Variants in VWA8 observed in about 807,000 individuals in gnomAD.
The protein encoded by VWA8 is von Willebrand factor A domain containing 8, also known as von Willebrand factor A domain-containing protein 8.
A neutral mutation model predicts 241.5 loss-of-function variants in VWA8; 221 were observed. The observed-to-expected ratio is 0.91, with a 90% CI of 0.82 to 1.02. The LOEUF (loss-of-function observed/expected upper bound fraction) is 1.02. VWA8 is among the 50% of genes least tolerant of loss of function. The pLI, the probability that VWA8 is intolerant of heterozygous loss-of-function variation, is 0.00. For missense variants in VWA8, 2,322 were observed against 2,328.7 expected, an observed-to-expected ratio of 1.00 and a Z score of 0.06; for synonymous variants, 852 against 827.1, an observed-to-expected ratio of 1.03 and a Z score of -0.52.
At chr13:41,844,076 A>G (rs1872178666) in intron 12 of VWA8, among the ~76,000 whole-genome samples, 1 of 152,198 alleles carries the variant, frequency 6.6e-6, no homozygotes, top group Admixed American at 6.5e-5. Context: ...GAACATGGAC[A>G]CAAAAATCCT....
intron 37 of VWA8, among the ~76,000 whole-genome samples, chr13:41,655,067 T>C (rs1020372915): frequency 1.3e-5 from 2 of 151,968 alleles, no homozygotes; most frequent in African/African-American, 4.8e-5. Context: ...GTTAGGAGAA[T>C]GCTCTTGTGA....
At chr13:41,703,556 C>G (rs1415261797) in intron 26 of VWA8, 145 bp from the exon 27 acceptor site, 129 of 646,660 alleles carry the variant, frequency 2.0e-4, no homozygotes, top group Non-Finnish European at 2.1e-4. Context: ...TATTAAACGA[C>G]AGTGTATAAA....
intron 36 of VWA8, among the ~76,000 whole-genome samples, chr13:41,672,824 T>C (rs1327785839): frequency 1.3e-5 from 2 of 152,172 alleles, no homozygotes; most frequent in African/African-American, 4.8e-5. Context: ...GGAAAAAACT[T>C]AGTAGTTACA....
At chr13:41,951,882 G>A (rs1356812548) in intron 1 of VWA8, among the ~76,000 whole-genome samples, 1 of 152,096 alleles carries the variant, frequency 6.6e-6, no homozygotes, top group African/African-American at 2.4e-5. Context: ...AACAGATAAA[G>A]AAATTTATTA....
intron 37 of VWA8, among the ~76,000 whole-genome samples, chr13:41,661,011 G>A (rs1442220246): frequency 4.0e-5 from 6 of 151,890 alleles, no homozygotes; most frequent in South Asian, 4.1e-4. Context: ...GACTACAGGC[G>A]CATGCCACCA....
intron 37 of VWA8, among the ~76,000 whole-genome samples, chr13:41,634,396 C>A (rs1011420397): frequency 1.3e-5 from 2 of 152,112 alleles, no homozygotes; most frequent in African/African-American, 4.8e-5. Context: ...CTTAACAGAA[C>A]CCTGGTTTTC....
Position 41,647,911 on chromosome 13 carries a change from C to T in VWA8, c.4611+23035G>A, listed in dbSNP as rs574115283. ...GGCTGAAGCAGGAGAATCGCCTAAA[C>T]CCGGGAGGCAGAGGTTGCAGTGAGC... is the stretch of plus-strand genomic sequence containing the variant. On this transcript the variant is annotated intron_variant, in intron 37 of 44. Transcript: ENST00000379310. Among the ~76,000 whole-genome samples the T allele has an allele frequency of 2.0e-5, 3 of 152,246 alleles. No individual in the cohort carries two copies. In the East Asian group the frequency reaches 5.8e-4, roughly 29 times the overall value.
intron 21 of VWA8, among the ~76,000 whole-genome samples, chr13:41,751,149 T>C (rs775625422): frequency 1.3e-5 from 2 of 150,868 alleles, no homozygotes; most frequent in Non-Finnish European, 3.0e-5. Context: ...AAAAAAAAAA[T>C]ACAAAAATTT....
chr13:41,625,738 G>A (rs1249979802), intron 37 of VWA8, among the ~76,000 whole-genome samples: 9 of 151,732 alleles, frequency 5.9e-5, no homozygotes, highest in Non-Finnish European at 4.4e-5. Context: ...CTGGGTATAT[G>A]CCCAAAGGAT....
intron 12 of VWA8, among the ~76,000 whole-genome samples, chr13:41,833,734 C>T (rs1871590170): frequency 6.6e-6 from 1 of 152,134 alleles, no homozygotes; most frequent in South Asian, 2.1e-4. Context: ...TTTTCCATTA[C>T]TCATTACATA....
chr13:41,770,176 G>C (rs922844544), intron 20 of VWA8, among the ~76,000 whole-genome samples: 2 of 152,054 alleles, frequency 1.3e-5, no homozygotes, highest in African/African-American at 4.8e-5. Flanking sequence ...GGCCGGGCGC[G>C]GTGGCTCACG....
At chr13:41,938,650 C>CAAAAA (rs367709095) in intron 2 of VWA8, among the ~76,000 whole-genome samples, 11 of 128,214 alleles carry the variant, frequency 8.6e-5, no homozygotes, top group African/African-American at 3.1e-4. Context: ...GACTGCGTCT[C>CAAAAA]AAAAAAAAAA....
chr13:41,881,136 T>C (rs1426934729), intron 9 of VWA8, among the ~76,000 whole-genome samples: 2 of 152,034 alleles, frequency 1.3e-5, no homozygotes, highest in Non-Finnish European at 2.9e-5. Context: ...ACCATCATCA[T>C]TTATTTTTAT....
In VWA8 at chr13:41,830,536, G is replaced by A. The variant is rs539354050; in HGVS notation, c.1693C>T (p.Gln565Ter). Residue 565 changes from glutamine (Q) to a stop codon, truncating the protein, a stop_gained, in exon 14 of 45, where the codon CAG becomes TAG. Transcript: ENST00000379310. LOFTEE classifies it high-confidence loss of function. Reference sequence around the variant, plus strand: ...TAATGGACCCCAAATTACCTCTTCTGTAGCTGTTCATCAGACAGTTGCAGC... The same window carrying A: ...TAATGGACCCCAAATTACCTCTTCTATAGCTGTTCATCAGACAGTTGCAGC... ...EELQLSDEQL[Q>*]KRSIFPIHPS... 1.6e-5 allele frequency: 26 copies of A among 1,613,374 alleles called. No individual in the cohort carries two copies. The Middle Eastern group carries it at 6.6e-4, about 41-fold the overall frequency.
chr13:41,832,010 AACCTCC>A (rs1871491213), intron 13 of VWA8, among the ~76,000 whole-genome samples: 2 of 150,244 alleles, frequency 1.3e-5, no homozygotes, highest in Non-Finnish European at 3.0e-5. Flanking sequence ...GGCTCACTGC[AACCTCC>A]ACCTCCCGGG....
intron 17 of VWA8, among the ~76,000 whole-genome samples, chr13:41,791,738 G>A (rs1869472073): frequency 6.6e-6 from 1 of 151,824 alleles, no homozygotes; most frequent in Non-Finnish European, 1.5e-5. Context: ...CATTTTGACT[G>A]TTGTAAATTA....
intron 17 of VWA8, among the ~76,000 whole-genome samples, chr13:41,794,541 A>G (rs1286036588): frequency 6.6e-6 from 1 of 152,192 alleles, no homozygotes; most frequent in Non-Finnish European, 1.5e-5. Flanking sequence ...GGGCTGAGAC[A>G]ATGGGATTTT....
At chr13:41,806,001 TA>T (rs60826821) in intron 17 of VWA8, among the ~76,000 whole-genome samples, 2,431 of 118,930 alleles carry the variant, frequency 0.02, 38 homozygotes, top group African/African-American at 0.042. Context: ...AATTCAAAAA[TA>T]AAAAAAAAAA....
intron 20 of VWA8, among the ~76,000 whole-genome samples, chr13:41,761,470 C>A (rs1295120183): frequency 6.6e-6 from 1 of 151,998 alleles, no homozygotes; most frequent in Non-Finnish European, 1.5e-5. Context: ...ATTGACTTTT[C>A]TGTTCTGTAA....
Sources: gnomAD v4.1 joint callset for allele counts (sites outside exome capture counted in the v4.1 genomes callset) on GRCh38, gnomAD v4.1.1 for gene constraint, MANE v1.5 for transcripts, NCBI Gene and HGNC (gene_info 2026-07-23, HGNC 2026-07-21) for gene names.